FIP1L1: variants seen among roughly 807,000 people sequenced by gnomAD.
FIP1L1 encodes the protein pre-mRNA 3'-end-processing factor FIP1.
In FIP1L1, 21 loss-of-function variants were observed where a neutral mutation model predicts 84.6. The ratio of observed to expected loss-of-function variants is 0.25; its 90% confidence interval spans 0.18 to 0.36. The LOEUF is 0.36. FIP1L1 is among the 10% of genes least tolerant of loss of function. The pLI is 1.00. For synonymous variants in FIP1L1, 263 were observed against 242.3 expected, an observed-to-expected ratio of 1.09 and a Z score of -0.80; for missense variants, 526 against 751.1, an observed-to-expected ratio of 0.70 and a Z score of 3.50.
intron 13 of FIP1L1, among the ~76,000 whole-genome samples, chr4:53,439,440 A>G (rs762598041): frequency 1.1e-4 from 16 of 152,090 alleles, no homozygotes; most frequent in Non-Finnish European, 2.2e-4. Flanking sequence ...TGCTACCTTA[A>G]GATCTTTTTA....
intron 9 of FIP1L1, among the ~76,000 whole-genome samples, chr4:53,399,446 C>T (rs966341833): frequency 8.5e-5 from 13 of 152,174 alleles, no homozygotes; most frequent in African/African-American, 3.1e-4. Flanking sequence ...TTGTAGTGAT[C>T]TGCAGGAATT....
chr4:53,427,898 C>A, intron 12 of FIP1L1, 129 bp from the exon 13 acceptor site: 1 of 750,238 alleles, frequency 1.3e-6, no homozygotes. Flanking sequence ...TTACTCTCCC[C>A]CCAAAAATAC....
At chr4:53,414,802 A>G (rs1346954179) in intron 11 of FIP1L1, 80 bp downstream of exon 11, 2 of 916,760 alleles carry the variant, frequency 2.2e-6, no homozygotes, top group East Asian at 5.3e-5. Context: ...AAGATAATAA[A>G]TTTTGACTGT....
chr4:53,382,179 AT>A, intron 3 of FIP1L1, 98 bp from the exon 4 acceptor site: 1 of 805,020 alleles, frequency 1.2e-6, no homozygotes, highest in Non-Finnish European at 2.0e-6. Flanking sequence ...GGAGACAATA[AT>A]TTTAGGAGCT....
chr4:53,402,064 G>GA (rs1169103926), intron 10 of FIP1L1, among the ~76,000 whole-genome samples: 1 of 151,922 alleles, frequency 6.6e-6, no homozygotes, highest in African/African-American at 2.4e-5. Context: ...AATGAAGTAG[G>GA]AAAAAAACCC....
intron 13 of FIP1L1, among the ~76,000 whole-genome samples, chr4:53,432,317 G>A (rs771305799): frequency 2.2e-5 from 3 of 135,990 alleles, no homozygotes; most frequent in Non-Finnish European, 4.5e-5. Flanking sequence ...AGAATCACTT[G>A]AACCCAGGAG....
At chr4:53,433,960 G>C (rs78901866) in intron 13 of FIP1L1, among the ~76,000 whole-genome samples, 16,433 of 151,988 alleles carry the variant, frequency 0.11, 1,137 homozygotes, top group Non-Finnish European at 0.16. Flanking sequence ...GTCAGGGGGT[G>C]GGGGCGGGTG....
chr4:53,441,271 A>G (rs1201854511), intron 13 of FIP1L1, among the ~76,000 whole-genome samples: 1 of 151,884 alleles, frequency 6.6e-6, no homozygotes, highest in African/African-American at 2.4e-5. Flanking sequence ...AGGTGTGTAA[A>G]GAGAATGAGA....
At chr4:53,379,897 T>C (rs1014983016) in intron 3 of FIP1L1, among the ~76,000 whole-genome samples, 1 of 152,172 alleles carries the variant, frequency 6.6e-6, no homozygotes, top group Non-Finnish European at 1.5e-5. Context: ...TTAGTGTCTG[T>C]AATGGAGGGA....
At chr4:53,430,275 G>A (rs1253237505) in intron 13 of FIP1L1, among the ~76,000 whole-genome samples, 3 of 151,632 alleles carry the variant, frequency 2.0e-5, no homozygotes, top group African/African-American at 7.3e-5. Flanking sequence ...TTGCTACAGA[G>A]GTAATTGCTA....
At chr4:53,439,044 A>G (rs1224859435) in intron 13 of FIP1L1, among the ~76,000 whole-genome samples, 5 of 152,180 alleles carry the variant, frequency 3.3e-5, no homozygotes, top group African/African-American at 1.2e-4. Flanking sequence ...TCATGTATTT[A>G]CTTATGAAAA....
rs773010885 is a variant in FIP1L1 at position 53,382,341 on chromosome 4, A to G, written c.228+6A>G. On this transcript the variant is annotated splice_donor_region_variant and intron_variant, in intron 4 of 17. Coordinates refer to ENST00000337488, the MANE Select transcript of FIP1L1 (RefSeq NM_030917.4). ...AAAATGGTGTACCAAAACCGGTAAC[A>G]TAAGGCTTTGAAATCCAGTTACTGA... 3 of 1,610,624 alleles carry G rather than the reference A, an allele frequency of 1.9e-6. No homozygotes were observed. In the Admixed American group the frequency reaches 5.0e-5, roughly 27 times the overall value.
chr4:53,406,178 G>A (rs1405552644), intron 10 of FIP1L1, among the ~76,000 whole-genome samples: 6 of 151,974 alleles, frequency 3.9e-5, no homozygotes, highest in Admixed American at 1.3e-4. Flanking sequence ...TTTGAGATAC[G>A]TCCTATTTAC....
At chr4:53,414,271 T>A (rs1758458212) in intron 10 of FIP1L1, among the ~76,000 whole-genome samples, 4 of 152,048 alleles carry the variant, frequency 2.6e-5, no homozygotes, top group African/African-American at 9.7e-5. Flanking sequence ...TTTGTAAAAT[T>A]GCAAAAATTA....
At chr4:53,440,039 C>T (rs1412706940) in intron 13 of FIP1L1, among the ~76,000 whole-genome samples, 1 of 151,852 alleles carries the variant, frequency 6.6e-6, no homozygotes, top group Non-Finnish European at 1.5e-5. Flanking sequence ...GGTTTTTCCC[C>T]CTTTCTCTCC....
chr4:53,412,993 T>C (rs1757858537), intron 10 of FIP1L1, among the ~76,000 whole-genome samples: 1 of 152,154 alleles, frequency 6.6e-6, no homozygotes, highest in South Asian at 2.1e-4. Flanking sequence ...TAAATTCTTA[T>C]TTTATGTGTG....
At chr4:53,452,822 A>G in intron 15 of FIP1L1, 98 bp from the exon 16 acceptor site, 1 of 837,948 alleles carries the variant, frequency 1.2e-6, no homozygotes. Flanking sequence ...TCTATTTATA[A>G]AATGAATTTC....
intron 16 of FIP1L1, among the ~76,000 whole-genome samples, chr4:53,455,814 T>C (rs989067268): frequency 6.6e-6 from 1 of 152,008 alleles, no homozygotes; most frequent in Admixed American, 6.6e-5. Context: ...CAAAAAAAAA[T>C]GCACAAGAAG....
intron 13 of FIP1L1, among the ~76,000 whole-genome samples, chr4:53,435,404 T>C (rs535325191): frequency 6.6e-6 from 1 of 152,302 alleles, no homozygotes; most frequent in Non-Finnish European, 1.5e-5. Flanking sequence ...CTTACACTGC[T>C]CTTTTGATCG....
Sources: gnomAD v4.1 joint callset for allele counts (sites outside exome capture counted in the v4.1 genomes callset) on GRCh38, gnomAD v4.1.1 for gene constraint, MANE v1.5 for transcripts, NCBI Gene and HGNC (gene_info 2026-07-23, HGNC 2026-07-21) for gene names.